Variants in NCKAP5 observed in about 807,000 individuals in gnomAD.
NCKAP5 encodes NCK associated protein 5.
A neutral mutation model predicts 167.0 loss-of-function variants in NCKAP5; 92 were observed. The observed-to-expected ratio is 0.55, with a 90% CI of 0.47 to 0.66. The LOEUF is 0.66. Among genes scored for constraint, NCKAP5 ranks in the 30% least tolerant of loss-of-function variants. The probability of loss-of-function intolerance (pLI) is 0.00; values close to 1 mark genes in which losing one functional copy is unlikely to be tolerated. For synonymous variants in NCKAP5, 891 were observed against 877.4 expected, an observed-to-expected ratio of 1.02 and a Z score of -0.27; for missense variants, 2,378 against 2,315.0, an observed-to-expected ratio of 1.03 and a Z score of -0.56.
intron 2 of NCKAP5, among the ~76,000 whole-genome samples, chr2:133,533,897 C>G (rs1050231349): frequency 1.3e-5 from 2 of 151,848 alleles, no homozygotes; most frequent in African/African-American, 2.4e-5. Flanking sequence ...AAGTACATGC[C>G]TCTGTAATCT....
chr2:133,175,155 T>C (rs1035799566), intron 5 of NCKAP5, among the ~76,000 whole-genome samples: 1 of 152,184 alleles, frequency 6.6e-6, no homozygotes, highest in African/African-American at 2.4e-5. Context: ...CATCTGTATA[T>C]AACTTTTGTG....
At chr2:132,796,107 GT>G (rs1460430760) in intron 12 of NCKAP5, among the ~76,000 whole-genome samples, 5 of 152,024 alleles carry the variant, frequency 3.3e-5, no homozygotes, top group African/African-American at 4.8e-5. Flanking sequence ...TCATGTCATT[GT>G]TTTAAGCCTC....
chr2:132,811,016 C>T (rs1488482082), intron 11 of NCKAP5, among the ~76,000 whole-genome samples: 1 of 152,100 alleles, frequency 6.6e-6, no homozygotes, highest in East Asian at 1.9e-4. Flanking sequence ...TTCCTGTAAG[C>T]CAAAAGTGAT....
chr2:132,984,932 C>T (rs1189334879), intron 7 of NCKAP5, among the ~76,000 whole-genome samples: 1 of 149,304 alleles, frequency 6.7e-6, no homozygotes, highest in Non-Finnish European at 1.5e-5. Flanking sequence ...CAAGTATTTG[C>T]TCAAGCTGCA....
intron 8 of NCKAP5, among the ~76,000 whole-genome samples, chr2:132,955,909 T>C (rs542359410): frequency 6.6e-6 from 1 of 152,288 alleles, no homozygotes; most frequent in South Asian, 2.1e-4. Context: ...TAATGATCAG[T>C]GATGGTGAGC....
intron 5 of NCKAP5, among the ~76,000 whole-genome samples, chr2:133,139,960 C>T (rs1264179229): frequency 5.3e-5 from 8 of 152,168 alleles, no homozygotes; most frequent in Non-Finnish European, 4.4e-5. Context: ...TTCCCTTACC[C>T]GAATCTTTTC....
intron 4 of NCKAP5, among the ~76,000 whole-genome samples, chr2:133,241,291 T>G (rs1387724026): frequency 6.6e-6 from 1 of 152,208 alleles, no homozygotes; most frequent in Non-Finnish European, 1.5e-5. Flanking sequence ...TGCTCATCAG[T>G]AATAAATACA....
At chr2:132,881,099 A>G (rs186656128) in intron 8 of NCKAP5, among the ~76,000 whole-genome samples, 1 of 152,284 alleles carries the variant, frequency 6.6e-6, no homozygotes, top group Admixed American at 6.5e-5. Flanking sequence ...ATACAATCCT[A>G]CCTGTGATCA....
chr2:133,172,975 G>A (rs527516664), intron 5 of NCKAP5, among the ~76,000 whole-genome samples: 130 of 152,190 alleles, frequency 8.5e-4, no homozygotes, highest in Middle Eastern at 3.4e-3. Flanking sequence ...GGGAGCCACC[G>A]TGACGGGCTA....
chr2:133,044,387 C>A (rs1201753483), intron 6 of NCKAP5, among the ~76,000 whole-genome samples: 1 of 152,046 alleles, frequency 6.6e-6, no homozygotes, highest in Non-Finnish European at 1.5e-5. Context: ...AAGAACCCAA[C>A]AAACAATCCA....
chr2:133,048,124 C>T (rs16846185), intron 6 of NCKAP5, among the ~76,000 whole-genome samples: 8,036 of 152,190 alleles, frequency 0.053, 654 homozygotes, highest in African/African-American at 0.18. Flanking sequence ...CAAAGGAGGA[C>T]GGCCTAAGTC....
intron 3 of NCKAP5, among the ~76,000 whole-genome samples, chr2:133,466,684 C>T (rs1236379054): frequency 1.3e-5 from 2 of 152,122 alleles, no homozygotes; most frequent in African/African-American, 4.8e-5. Context: ...CTTTTATTTC[C>T]TTGAGCAGTG....
intron 13 of NCKAP5, among the ~76,000 whole-genome samples, chr2:132,789,457 A>T (rs1476719369): frequency 6.6e-6 from 1 of 152,160 alleles, no homozygotes; most frequent in East Asian, 1.9e-4. Context: ...TCCCTCATCA[A>T]TATCTCCTGG....
chr2:132,673,359 A>G, intron 19 of NCKAP5, 54 bp from the exon 20 acceptor site: 1 of 1,312,536 alleles, frequency 7.6e-7, no homozygotes, highest in South Asian at 1.4e-5. Context: ...AAATCAAGTT[A>G]TCCTATCTAA....
At chr2:132,991,917 G>A (rs139091956) in intron 7 of NCKAP5, among the ~76,000 whole-genome samples, 1,847 of 152,264 alleles carry the variant, frequency 0.012, 23 homozygotes, top group African/African-American at 0.034. Context: ...CTATTTTGCC[G>A]CTATTAGCCT....
chr2:133,385,389 G>A (rs1481395344), intron 3 of NCKAP5, among the ~76,000 whole-genome samples: 11 of 152,200 alleles, frequency 7.2e-5, no homozygotes, highest in Non-Finnish European at 1.3e-4. Flanking sequence ...GCATCCCAGG[G>A]ATGAAGCCCA....
chr2:133,611,192 T>C, the NCKAP5 span, among the ~76,000 whole-genome samples: 1 of 152,190 alleles, frequency 6.6e-6, no homozygotes, highest in Non-Finnish European at 1.5e-5. Context: ...TGACATATGA[T>C]GCATCCATCA....
chr2:133,648,781 C>T, the NCKAP5 span, among the ~76,000 whole-genome samples: 7 of 150,318 alleles, frequency 4.7e-5, no homozygotes, highest in East Asian at 3.9e-4. Flanking sequence ...ATGCAATAAA[C>T]GTTTATAATG....
At chr2:133,319,695 T>G (rs1681893181) in intron 3 of NCKAP5, among the ~76,000 whole-genome samples, 1 of 152,140 alleles carries the variant, frequency 6.6e-6, no homozygotes, top group Non-Finnish European at 1.5e-5. Context: ...TTCATGAAAA[T>G]CAGCCACTCT....
Sources: allele counts gnomAD v4.1 joint callset (sites outside exome capture counted in the v4.1 genomes callset), GRCh38; gene constraint gnomAD v4.1.1; transcripts MANE v1.5; gene names NCBI Gene and HGNC (gene_info 2026-07-23, HGNC 2026-07-21).